The following CACNA2D1 variants were observed in gnomAD, a reference collection of about 807,000 sequenced individuals.
CACNA2D1 encodes voltage-dependent calcium channel subunit alpha-2/delta-1.
A neutral mutation model predicts 171.5 loss-of-function variants in CACNA2D1; 53 were observed. That is an observed-to-expected ratio of 0.31 (90% CI 0.25 to 0.39). The LOEUF (loss-of-function observed/expected upper bound fraction) is 0.39. Among genes scored for constraint, CACNA2D1 ranks in the 10% least tolerant of loss-of-function variants. The pLI is 1.00. For missense variants in CACNA2D1, 903 were observed against 1,299.8 expected, an observed-to-expected ratio of 0.69 and a Z score of 4.69; for synonymous variants, 442 against 443.1, an observed-to-expected ratio of 1.00 and a Z score of 0.03.
intron 3 of CACNA2D1, among the ~76,000 whole-genome samples, chr7:82,263,742 T>C (rs919908246): frequency 2.6e-5 from 4 of 152,204 alleles, no homozygotes; most frequent in Non-Finnish European, 5.9e-5. Context: ...TTGGCCATTT[T>C]TCATGGTGAG....
chr7:82,219,137 A>T (rs1202116735), intron 3 of CACNA2D1, among the ~76,000 whole-genome samples: 1 of 152,136 alleles, frequency 6.6e-6, no homozygotes, highest in Non-Finnish European at 1.5e-5. Context: ...CTACCTAATA[A>T]ACACTTGTCT....
chr7:82,139,692 C>A (rs963348688), intron 4 of CACNA2D1, among the ~76,000 whole-genome samples: 1 of 151,784 alleles, frequency 6.6e-6, no homozygotes, highest in African/African-American at 2.4e-5. Context: ...ACTGAAGAAA[C>A]AAATATATAT....
At chr7:82,155,930 TC>T (rs1417303669) in intron 4 of CACNA2D1, among the ~76,000 whole-genome samples, 1 of 152,180 alleles carries the variant, frequency 6.6e-6, no homozygotes, top group Non-Finnish European at 1.5e-5. Context: ...TGCATACTAG[TC>T]AATGTATTCA....
chr7:82,089,091 G>T (rs1270648641), intron 6 of CACNA2D1, among the ~76,000 whole-genome samples: 1 of 152,144 alleles, frequency 6.6e-6, no homozygotes, highest in African/African-American at 2.4e-5. Flanking sequence ...TGGCCCAGGG[G>T]CTGGGGACCT....
At chr7:82,361,246 C>T (rs1211076081) in intron 1 of CACNA2D1, among the ~76,000 whole-genome samples, 1 of 152,284 alleles carries the variant, frequency 6.6e-6, no homozygotes, top group Middle Eastern at 3.4e-3. Context: ...TCCTAACCTG[C>T]TCAATATAAA....
intron 6 of CACNA2D1, among the ~76,000 whole-genome samples, chr7:82,101,433 G>A (rs549644815): frequency 1.3e-5 from 2 of 152,184 alleles, no homozygotes; most frequent in East Asian, 1.9e-4. Flanking sequence ...TCAGTAAAAC[G>A]TTACATGACA....
rs190298469 is a variant in CACNA2D1, at chr7:82,245,846, C to T, written c.295-75237G>A. ...TCTTCACCTTCTGGCGTAACATAAA[C>T]TATTGATTTATATTTAAACATTCTT... On this transcript the variant is annotated intron_variant, in intron 3 of 38. Coordinates refer to ENST00000356860, the MANE Select transcript of CACNA2D1 (RefSeq NM_000722.4). Among the ~76,000 whole-genome samples, 20 of 152,146 alleles carry T rather than the reference C, an allele frequency of 1.3e-4. No individual in the cohort carries two copies. In the East Asian group the frequency reaches 3.9e-3, roughly 29 times the overall value.
At chr7:82,079,238 T>C (rs947472136) in intron 7 of CACNA2D1, among the ~76,000 whole-genome samples, 1 of 152,180 alleles carries the variant, frequency 6.6e-6, no homozygotes, top group Non-Finnish European at 1.5e-5. Context: ...CTTCTTATTC[T>C]CTTAACAATT....
chr7:82,092,115 T>G (rs770691216), intron 6 of CACNA2D1, among the ~76,000 whole-genome samples: 18 of 152,320 alleles, frequency 1.2e-4, no homozygotes, highest in South Asian at 4.1e-4. Flanking sequence ...AATTTCCTCT[T>G]CCTTGAACAA....
rs373296900 is a variant in CACNA2D1 at position 82,181,777 on chromosome 7, C to G, written c.295-11168G>C. Among the ~76,000 whole-genome samples the G allele has an allele frequency of 3.7e-4, 57 of 152,286 alleles. No homozygotes were observed. In the South Asian group the frequency reaches 0.011, roughly 30 times the overall value. On this transcript the variant is annotated intron_variant, in intron 3 of 38. Transcript: ENST00000356860. ...TACCCATTCAGAAATTTAATTGTAACTTATTCTTTTAGTGATTATTGTAAT... is the reference window on the plus strand; with the variant it reads ...TACCCATTCAGAAATTTAATTGTAAGTTATTCTTTTAGTGATTATTGTAAT...
intron 4 of CACNA2D1, among the ~76,000 whole-genome samples, chr7:82,150,170 A>C (rs1448524517): frequency 1.3e-5 from 2 of 151,724 alleles, no homozygotes; most frequent in Non-Finnish European, 2.9e-5. Context: ...CCTGTGACAT[A>C]AACATTCAGT....
chr7:82,411,950 T>A (rs769748212), intron 1 of CACNA2D1, among the ~76,000 whole-genome samples: 9 of 150,000 alleles, frequency 6.0e-5, no homozygotes, highest in Non-Finnish European at 8.9e-5. Flanking sequence ...GATTTGCAAA[T>A]CCCCAAAAAA....
At position 82,082,469 on chromosome 7, in the gene CACNA2D1, G is replaced by A. The variant is rs547551513; in HGVS notation, c.658+2300C>T. ...CAGAACGGGGAGTTCATGTTGATTG[G>A]TTTGTAAGTATGCAAAAAGGCTAAA... On this transcript the variant is annotated intron_variant, in intron 7 of 38. Coordinates refer to ENST00000356860, the MANE Select transcript of CACNA2D1 (RefSeq NM_000722.4). 2.0e-4 allele frequency among the ~76,000 whole-genome samples: 30 copies of A among 151,868 alleles called. No individual in the cohort carries two copies. The South Asian group carries it at 5.8e-3, about 29-fold the overall frequency.
At chr7:82,116,379 G>A (rs187969308) in intron 6 of CACNA2D1, among the ~76,000 whole-genome samples, 2 of 152,196 alleles carry the variant, frequency 1.3e-5, no homozygotes, top group East Asian at 1.9e-4. Context: ...GCAAGCTTCC[G>A]CCACTATTTT....
At chr7:82,023,583 GTT>G (rs35248241) in intron 12 of CACNA2D1, among the ~76,000 whole-genome samples, 1 of 147,006 alleles carries the variant, frequency 6.8e-6, no homozygotes, top group African/African-American at 2.5e-5. Context: ...AAAGAGTTAG[GTT>G]TTTTTTTTTA....
chr7:82,073,762 G>A (rs1487537915), intron 7 of CACNA2D1, among the ~76,000 whole-genome samples: 16 of 151,896 alleles, frequency 1.1e-4, no homozygotes, highest in African/African-American at 2.9e-4. Context: ...AACCACACCC[G>A]GCTAATTTTT....
intron 3 of CACNA2D1, among the ~76,000 whole-genome samples, chr7:82,334,029 C>G (rs539658686): frequency 3.0e-4 from 45 of 152,136 alleles, no homozygotes; most frequent in African/African-American, 9.2e-4. Context: ...GAATACATAA[C>G]CTACAAATCA....
At chr7:82,102,447 T>A (rs1304598073) in intron 6 of CACNA2D1, among the ~76,000 whole-genome samples, 1 of 151,908 alleles carries the variant, frequency 6.6e-6, no homozygotes, top group Non-Finnish European at 1.5e-5. Context: ...TTGTGTGTAT[T>A]TGAGATATAT....
chr7:82,041,483 G>T, intron 10 of CACNA2D1, among the ~76,000 whole-genome samples: 1 of 152,152 alleles, frequency 6.6e-6, no homozygotes, highest in East Asian at 1.9e-4. Context: ...TCAGGATAAT[G>T]AGAGGAGAAG....
Sources: gnomAD v4.1 joint callset for allele counts (sites outside exome capture counted in the v4.1 genomes callset) on GRCh38, gnomAD v4.1.1 for gene constraint, MANE v1.5 for transcripts, NCBI Gene and HGNC (gene_info 2026-07-23, HGNC 2026-07-21) for gene names.